Variants in LDLRAD3 observed in about 807,000 individuals in gnomAD.
LDLRAD3 encodes the protein low density lipoprotein receptor class A domain containing 3.
Under a neutral mutation model 29.4 loss-of-function variants are expected in LDLRAD3, and 20 were observed. The ratio of observed to expected loss-of-function variants is 0.68; its 90% confidence interval spans 0.48 to 0.99. The LOEUF (loss-of-function observed/expected upper bound fraction) is 0.99, where lower values mean the gene tolerates loss of function less well. LDLRAD3 is among the 50% of genes least tolerant of loss of function. The pLI is 0.00. For missense variants in LDLRAD3, 420 were observed against 454.3 expected (o/e 0.92, Z 0.69); for synonymous variants, 157 against 192.7 (o/e 0.81, Z 1.53).
chr11:36,004,942 C>T (rs1237861708), intron 1 of LDLRAD3, among the ~76,000 whole-genome samples: 1 of 152,178 alleles, frequency 6.6e-6, no homozygotes, highest in African/African-American at 2.4e-5. Flanking sequence ...GGCACCATGT[C>T]CCAAGGCTGC....
intron 4 of LDLRAD3, among the ~76,000 whole-genome samples, chr11:36,104,029 A>G (rs567598338): frequency 1.3e-5 from 2 of 152,320 alleles, no homozygotes; most frequent in African/African-American, 4.8e-5. Flanking sequence ...GCTTTTAACA[A>G]AGAAAATGCA....
At chr11:36,116,836 CT>C (rs1375616154) in intron 4 of LDLRAD3, among the ~76,000 whole-genome samples, 1 of 121,436 alleles carries the variant, frequency 8.2e-6, no homozygotes, top group African/African-American at 2.8e-5. Context: ...CTTTCTTTTT[CT>C]TTTTTTCTTT....
intron 1 of LDLRAD3, among the ~76,000 whole-genome samples, chr11:35,976,365 A>T (rs1216680986): frequency 6.6e-6 from 1 of 151,980 alleles, no homozygotes; most frequent in Non-Finnish European, 1.5e-5. Context: ...TCTTGGTGGG[A>T]AAGGAGGGTA....
At position 36,151,558 on chromosome 11, in the gene LDLRAD3, C is replaced by A. The variant is rs1392069; in HGVS notation, c.454+53097C>A. Among the ~76,000 whole-genome samples, 680 of 152,252 alleles carry A rather than the reference C, an allele frequency of 4.5e-3. 6 individuals are homozygous for A. The highest frequency in any genetic ancestry group is 0.016 in the African/African-American group (652 of 41,546). ...GGCTGTAGTCAACTCAGGTCTCTTT[C>A]CAAAGCCCATGGTCTTTCCATGGCA... On this transcript the variant is annotated intron_variant, in intron 4 of 5. Coordinates refer to ENST00000315571, the MANE Select transcript of LDLRAD3 (RefSeq NM_174902.4).
intron 4 of LDLRAD3, among the ~76,000 whole-genome samples, chr11:36,205,614 G>A (rs1855196000): frequency 6.6e-6 from 1 of 152,224 alleles, no homozygotes; most frequent in Non-Finnish European, 1.5e-5. Flanking sequence ...GCTGTTGTCT[G>A]CCATCAAGCA....
intron 2 of LDLRAD3, among the ~76,000 whole-genome samples, chr11:36,081,186 C>T (rs1239882016): frequency 2.0e-5 from 3 of 152,208 alleles, no homozygotes; most frequent in Non-Finnish European, 4.4e-5. Flanking sequence ...TTCTGCCCAT[C>T]ATCCCATTGG....
chr11:36,208,291 C>T (rs1180904457), intron 4 of LDLRAD3, among the ~76,000 whole-genome samples: 3 of 152,212 alleles, frequency 2.0e-5, no homozygotes, highest in Non-Finnish European at 4.4e-5. Context: ...ATACCTGAGA[C>T]TGAATCATCT....
intron 5 of LDLRAD3, 119 bp from the exon 6 acceptor site, chr11:36,229,041 T>G (rs913958460): frequency 1.4e-6 from 1 of 735,076 alleles, no homozygotes; most frequent in African/African-American, 1.8e-5. Flanking sequence ...GGGAAAAATC[T>G]CATTTCGCAC....
At chr11:36,221,380 G>C (rs1299849682) in intron 4 of LDLRAD3, among the ~76,000 whole-genome samples, 1 of 136,764 alleles carries the variant, frequency 7.3e-6, no homozygotes, top group South Asian at 2.3e-4. Flanking sequence ...AAAAAAAAAA[G>C]AGGTCAGGCT....
At chr11:36,000,358 G>A (rs1446896087) in intron 1 of LDLRAD3, among the ~76,000 whole-genome samples, 7 of 151,408 alleles carry the variant, frequency 4.6e-5, no homozygotes, top group South Asian at 2.1e-4. Context: ...CAGTTGAAAT[G>A]TATGTGGTAA....
intron 1 of LDLRAD3, among the ~76,000 whole-genome samples, chr11:35,984,425 T>C (rs1851582477): frequency 6.6e-6 from 1 of 151,896 alleles, no homozygotes; most frequent in Non-Finnish European, 1.5e-5. Context: ...GAGCTGGGAG[T>C]CCCACAGTCT....
intron 1 of LDLRAD3, among the ~76,000 whole-genome samples, chr11:35,952,264 T>C (rs1223218274): frequency 1.3e-5 from 2 of 152,208 alleles, no homozygotes; most frequent in African/African-American, 4.8e-5. Flanking sequence ...GCTGCTTTGG[T>C]ATAGAATAGA....
intron 1 of LDLRAD3, among the ~76,000 whole-genome samples, chr11:36,011,771 C>T (rs1220079793): frequency 6.6e-6 from 1 of 152,170 alleles, no homozygotes; most frequent in African/African-American, 2.4e-5. Flanking sequence ...ACCTCAATTT[C>T]CTCATCTGGA....
intron 1 of LDLRAD3, among the ~76,000 whole-genome samples, chr11:35,973,525 C>A (rs111776468): frequency 5.9e-5 from 9 of 151,940 alleles, no homozygotes; most frequent in Non-Finnish European, 1.0e-4. Context: ...TGGTGTGTGG[C>A]GTGATCTCTG....
intron 4 of LDLRAD3, among the ~76,000 whole-genome samples, chr11:36,115,107 C>T (rs1369154040): frequency 6.6e-6 from 1 of 152,086 alleles, no homozygotes; most frequent in African/African-American, 2.4e-5. Flanking sequence ...TGTGAGGAAG[C>T]CCGAACTATC....
chr11:36,220,857 A>G (rs61881469), intron 4 of LDLRAD3, among the ~76,000 whole-genome samples: 10,227 of 152,282 alleles, frequency 0.067, 450 homozygotes, highest in East Asian at 0.2. Flanking sequence ...ATCTAATGGC[A>G]CATTTTTAAA....
chr11:36,125,681 C>T lies in LDLRAD3; in HGVS notation c.454+27220C>T, dbSNP rs375693941. Among the ~76,000 whole-genome samples, 8 of 152,290 alleles carry T rather than the reference C, an allele frequency of 5.3e-5. No individual in the cohort carries two copies. In the East Asian group the frequency reaches 5.8e-4, roughly 11 times the overall value. The stretch of plus-strand genomic sequence containing the variant: ...TTAAGGTGTGCTGATCTCCACTACT[C>T]GGCACCCAACTGCCCAAACAGTGCT... On this transcript the variant is annotated intron_variant, in intron 4 of 5. Transcript: ENST00000315571.
intron 4 of LDLRAD3, among the ~76,000 whole-genome samples, chr11:36,134,719 A>G (rs1853979172): frequency 6.6e-6 from 1 of 152,218 alleles, no homozygotes; most frequent in Admixed American, 6.5e-5. Flanking sequence ...GGAATCATTC[A>G]TTCCCTCTTG....
intron 4 of LDLRAD3, among the ~76,000 whole-genome samples, chr11:36,225,377 G>A (rs967342889): frequency 6.6e-6 from 1 of 152,192 alleles, no homozygotes; most frequent in African/African-American, 2.4e-5. Context: ...TCCTCCACCT[G>A]CCTGGACCTT....
Sources: allele counts gnomAD v4.1 joint callset (sites outside exome capture counted in the v4.1 genomes callset), GRCh38; gene constraint gnomAD v4.1.1; transcripts MANE v1.5; gene names NCBI Gene and HGNC (gene_info 2026-07-23, HGNC 2026-07-21).